MYO7B: variants seen among roughly 807,000 people sequenced by gnomAD.
MYO7B encodes the protein unconventional myosin-VIIb.
A neutral mutation model predicts 259.7 loss-of-function variants in MYO7B; 212 were observed. The ratio of observed to expected loss-of-function variants is 0.82; its 90% CI spans 0.73 to 0.91. The LOEUF (loss-of-function observed/expected upper bound fraction) is 0.91, where lower values mean the gene tolerates loss of function less well. Ranked by LOEUF, MYO7B falls within the 40% of genes least tolerant of loss-of-function variation. The pLI is 0.00. For missense variants in MYO7B, 2,732 were observed against 2,813.5 expected, an observed-to-expected ratio of 0.97 and a Z score of 0.66; for synonymous variants, 1,197 against 1,166.4, an observed-to-expected ratio of 1.03 and a Z score of -0.54.
At chr2:127,620,594 A>C in intron 27 of MYO7B, 128 bp downstream of exon 27, 1 of 1,129,254 alleles carries the variant, frequency 8.9e-7, no homozygotes, top group Non-Finnish European at 1.2e-6. Context: ...TGCAGGCCAG[A>C]TGGGCAGCCA....
chr2:127,633,592 G>C (rs908058191), intron 40 of MYO7B, among the ~76,000 whole-genome samples: 1 of 152,200 alleles, frequency 6.6e-6, no homozygotes, highest in Non-Finnish European at 1.5e-5. Context: ...TCCAGGCCCA[G>C]GACACAGGAG....
intron 18 of MYO7B, 129 bp downstream of exon 18, chr2:127,593,773 T>A: frequency 1.3e-6 from 1 of 784,682 alleles, no homozygotes; most frequent in Non-Finnish European, 2.1e-6. Context: ...GCTCAAAGTG[T>A]GGTCCCCACC....
chr2:127,623,333 C>A lies in MYO7B; in HGVS notation c.3777C>A (p.Ser1259Arg), dbSNP rs780943984. 1.9e-5 allele frequency: 31 copies of A among 1,609,564 alleles called. No homozygotes were observed. The highest frequency in any genetic ancestry group is 2.5e-5 in the Non-Finnish European group (29 of 1,177,936). The part of the protein sequence containing the change: ...CMHIAHKQGL[S>R]DHLGFSLQVA... ...ACATCGCTCACAAGCAGGGCCTCAG[C>A]GACCACCTGGGCTTCTCCCTCCAGG... Residue 1259 changes from serine to arginine, a missense_variant, in exon 29 of 48, where the codon AGC becomes AGA. Physicochemically the swap from Ser to Arg is moderately radical, Grantham distance 110. Transcript: ENST00000409816.
In MYO7B at chr2:127,590,732, C is replaced by T. The variant is rs187856893; in HGVS notation, c.1992+503C>T. On this transcript the variant is annotated intron_variant, in intron 16 of 47. Transcript: ENST00000409816. The surrounding 1 kb of genome is among the most constrained non-coding windows in gnomAD (Gnocchi z 4.6). ...GAGAGCCCACACTCCCTGCCCACAA[C>T]GGAGTCCCTGCTCCATTGGGTGGGG... Among the ~76,000 whole-genome samples the T allele has an allele frequency of 6.6e-6, 1 of 152,342 alleles. No homozygotes were observed. Among genetic ancestry groups the T allele is most frequent in the East Asian group, 1.9e-4 (1 of 5,186 alleles).
In MYO7B at chr2:127,609,839, G is replaced by T. The variant is rs746554826; in HGVS notation, c.3025-10G>T. ...GGGTTCCCACTGGGCCTTCTGTCTT[G>T]TTTCCCCAGGCCGCCCTGGTCATAT... On this transcript the variant is annotated splice_polypyrimidine_tract_variant and intron_variant, in intron 23 of 47. Transcript: ENST00000409816. This position sits in a 1 kb window ranked among gnomAD's most constrained non-coding sequence, Gnocchi z 6.9. The T allele has an allele frequency of 1.2e-5, 20 of 1,613,440 alleles. No individual in the cohort carries two copies. The highest frequency in any genetic ancestry group is 1.6e-5 in the Non-Finnish European group (19 of 1,179,642).
chr2:127,548,134 C>T (rs1006535401), intron 1 of MYO7B, among the ~76,000 whole-genome samples: 7 of 152,084 alleles, frequency 4.6e-5, no homozygotes, highest in Non-Finnish European at 1.0e-4. Context: ...CTTTTAATGT[C>T]CGTGGGATCA....
At position 127,628,205 on chromosome 2, in the gene MYO7B, A is replaced by G. The variant is rs1573717628; in HGVS notation, c.4461-167A>G. On this transcript the variant is annotated intron_variant, in intron 33 of 47. Coordinates refer to ENST00000409816, the MANE Select transcript of MYO7B (RefSeq NM_001393586.1). The surrounding 1 kb of genome is among the most constrained non-coding windows in gnomAD (Gnocchi z 4.8). ...GAGGTCCTGTGCTCCGCCGTCCTTCATTTGTCCAGACCCACAGTGGTGTCT... is the reference window on the plus strand; with the variant it reads ...GAGGTCCTGTGCTCCGCCGTCCTTCGTTTGTCCAGACCCACAGTGGTGTCT... 2 of 831,130 alleles carry G rather than the reference A, an allele frequency of 2.4e-6. No homozygotes were observed. The highest frequency in any genetic ancestry group is 4.0e-6 in the Non-Finnish European group (2 of 504,644). The allele number at this position is 831,130 out of a possible 1,614,324, so 51.5% of individuals were successfully genotyped here.
rs1370618151 is a variant in MYO7B, at chr2:127,612,500, G to T, written c.3295G>T (p.Glu1099Ter). 1 of 1,558,912 alleles carries T rather than the reference G, an allele frequency of 6.4e-7. No individual in the cohort carries two copies. The highest frequency in any genetic ancestry group is 2.4e-5 in the East Asian group (1 of 41,318). ...GGTGGCCAGCCAGCTGAACATTGGAGAGGAGGCATTGGAGCCTGATGGCCT... is the reference window on the plus strand; with the variant it reads ...GGTGGCCAGCCAGCTGAACATTGGATAGGAGGCATTGGAGCCTGATGGCCT... ...GQVASQLNIG[E>*]EALEPDGLGA... The change falls in exon 26 of 48, where the codon GAG (glutamate) becomes TAG (stop). Residue 1099 changes from glutamate (E) to a stop codon, truncating the protein, a stop_gained. Coordinates refer to ENST00000409816, the MANE Select transcript of MYO7B (RefSeq NM_001393586.1). LOFTEE classifies it high-confidence loss of function.
intron 10 of MYO7B, 27 bp from the exon 11 acceptor site, chr2:127,581,864 C>G: frequency 6.2e-7 from 1 of 1,612,120 alleles, no homozygotes; most frequent in Non-Finnish European, 8.5e-7. Context: ...TCCACAGGTG[C>G]GACGCAGCCC....
rs371921404 is a variant in MYO7B, at chr2:127,631,609, G to A, written c.5105G>A (p.Arg1702Gln). The change falls in exon 38 of 48, where the codon CGG becomes CAG. Residue 1702 changes from arginine (R) to glutamine (Q), a missense_variant. This residue lies in a region of MYO7B where 821 missense variants were observed against 769.3 expected (regional missense o/e 1.07). Coordinates refer to ENST00000409816, the MANE Select transcript of MYO7B (RefSeq NM_001393586.1). The part of the protein sequence containing the change: ...IACQIFVAIL[R>Q]YMGDYPSRQA... ...TCCTTGACAGCCACACCCATCCTCC[G>A]GTACATGGGCGACTACCCTTCTCGG... is the stretch of plus-strand genomic sequence containing the variant. 60 of 1,613,046 alleles carry A rather than the reference G, an allele frequency of 3.7e-5. No homozygotes were observed. The highest frequency in any genetic ancestry group is 3.6e-4 in the South Asian group (33 of 91,072).
At chr2:127,572,986 C>T (rs564360818) in intron 6 of MYO7B, among the ~76,000 whole-genome samples, 30 of 151,318 alleles carry the variant, frequency 2.0e-4, no homozygotes, top group Admixed American at 1.7e-3. Context: ...AGACACCCAA[C>T]CAGTCGCCCC....
Position 127,620,303 on chromosome 2 carries a change from C to G in MYO7B, c.3399-37C>G, listed in dbSNP as rs776222756. 52 of 1,576,046 alleles carry G rather than the reference C, an allele frequency of 3.3e-5. 3 individuals are homozygous for G. The South Asian group carries it at 5.9e-4, about 18-fold the overall frequency. ...ACCCCTGTCTCCTCTCCTCCTCCAG[C>G]CCCCAGCCTACTCTCCTAATGGTCT... On this transcript the variant is annotated intron_variant, in intron 26 of 47. Transcript: ENST00000409816.
chr2:127,540,865 C>T (rs982248124), intron 1 of MYO7B, among the ~76,000 whole-genome samples: 3 of 152,124 alleles, frequency 2.0e-5, no homozygotes, highest in African/African-American at 7.2e-5. Context: ...ACATGAAGGA[C>T]GGTGTTTCAA....
chr2:127,600,246 T>A (rs1679913448), intron 19 of MYO7B, among the ~76,000 whole-genome samples: 1 of 152,236 alleles, frequency 6.6e-6, no homozygotes, highest in African/African-American at 2.4e-5. Flanking sequence ...GAGGAACTAG[T>A]CCATGTTATC....
chr2:127,588,296 C>A, intron 14 of MYO7B, 96 bp from the exon 15 acceptor site: 2 of 1,413,432 alleles, frequency 1.4e-6, no homozygotes, highest in Non-Finnish European at 1.9e-6. Context: ...GGGGCTCCTC[C>A]ACGCATCCTG....
chr2:127,570,596 C>A (rs1424091205), intron 6 of MYO7B, among the ~76,000 whole-genome samples: 1 of 152,242 alleles, frequency 6.6e-6, no homozygotes. Context: ...TTCTTTACAA[C>A]TGAAGTTTGC....
rs71841221 is a variant in MYO7B, at chr2:127,549,163, C to CCTTT, written c.-23-10518_-23-10515dup. On this transcript the variant is annotated intron_variant, in intron 1 of 47. Transcript: ENST00000409816. ...TTTCTTCTTTCTTCCTTCCTTCCTT[C>CCTTT]CTTTCTTTCTTTCTTTCTTTCTCTC... 2.0e-3 allele frequency among the ~76,000 whole-genome samples: 107 copies of CCTTT among 53,876 alleles called. 1 individual carries two copies. The highest frequency in any genetic ancestry group is 3.6e-3 in the Admixed American group (13 of 3,602). 35.3% of individuals were successfully genotyped at this position (53,876 alleles called of 152,430 possible).
At position 127,620,448 on chromosome 2, in the gene MYO7B, C is replaced by T; in HGVS notation, c.3507C>T (p.Pro1169=). The T allele has an allele frequency of 6.3e-7, 1 of 1,599,272 alleles. No individual in the cohort carries two copies. The highest frequency in any genetic ancestry group is 1.3e-5 in the African/African-American group (1 of 74,718). Residue 1169 remains proline (P), a synonymous_variant, in exon 27 of 48, where the codon CCC becomes CCT. Coordinates refer to ENST00000409816, the MANE Select transcript of MYO7B (RefSeq NM_001393586.1). ...GCCTCTGCCTCGGCTGCTTCCCACC[C>T]TCAGAGAGGTTCATGAAGGTGAGAG... is the stretch of plus-strand genomic sequence containing the variant. ...LLSLCLGCFP[P]SERFMKYLLN...
intron 19 of MYO7B, among the ~76,000 whole-genome samples, chr2:127,598,243 C>A (rs919680910): frequency 1.1e-4 from 16 of 152,248 alleles, no homozygotes; most frequent in African/African-American, 2.9e-4. Context: ...GTCTGGCTGA[C>A]TCAGTGTCCG....
Sources: allele counts gnomAD v4.1 joint callset (sites outside exome capture counted in the v4.1 genomes callset), GRCh38; gene constraint gnomAD v4.1.1; regional missense constraint gnomAD v4.1.1; non-coding constraint Gnocchi (gnomAD v3.1); transcripts MANE v1.5; gene names NCBI Gene and HGNC (gene_info 2026-07-23, HGNC 2026-07-21).